Variants in ZNF827 observed in about 807,000 individuals in gnomAD.
ZNF827 encodes the protein zinc finger protein 827.
ZNF827 carries 13 observed loss-of-function variants against 102.4 expected under a neutral mutation model. The observed-to-expected ratio is 0.13, with a 90% confidence interval of 0.08 to 0.20. ZNF827 has a LOEUF of 0.20. Among genes scored for constraint, ZNF827 ranks in the 10% least tolerant of loss-of-function variants. The pLI is 1.00. For synonymous variants in ZNF827, 523 were observed against 536.2 expected, an observed-to-expected ratio of 0.98 and a Z score of 0.34; for missense variants, 1,103 against 1,344.4, an observed-to-expected ratio of 0.82 and a Z score of 2.81.
At chr4:145,770,557 T>C (rs1168238269) in intron 11 of ZNF827, among the ~76,000 whole-genome samples, 1 of 151,474 alleles carries the variant, frequency 6.6e-6, no homozygotes, top group East Asian at 1.9e-4. Flanking sequence ...GTAAGCATTA[T>C]AGAAAATATT....
intron 4 of ZNF827, among the ~76,000 whole-genome samples, chr4:145,883,459 C>A (rs530290662): frequency 1.3e-4 from 20 of 152,302 alleles, no homozygotes; most frequent in African/African-American, 4.8e-4. Flanking sequence ...TTCCCCCCAA[C>A]CTATCAACTG....
In ZNF827 at chr4:145,762,242, C is replaced by A. The variant is rs1195417974; in HGVS notation, c.*18-644G>T. On this transcript the variant is annotated intron_variant, in intron 14 of 14. Transcript: ENST00000508784. This position sits in a 1 kb window ranked among gnomAD's most constrained non-coding sequence, Gnocchi z 4.9. ...TCGTAAAACATATCTCCCTACAGGA[C>A]TAGCTCTTTGTCAGGAAAGGAAGCT... is the stretch of plus-strand genomic sequence containing the variant. Among the ~76,000 whole-genome samples the A allele has an allele frequency of 1.3e-5, 2 of 152,088 alleles. No homozygotes were observed. The highest frequency in any genetic ancestry group is 2.9e-5 in the Non-Finnish European group (2 of 68,018).
intron 4 of ZNF827, among the ~76,000 whole-genome samples, chr4:145,872,168 T>C (rs1306808128): frequency 6.6e-6 from 1 of 152,216 alleles, no homozygotes; most frequent in Non-Finnish European, 1.5e-5. Flanking sequence ...ATGGACTCAA[T>C]TGTGTCCCTT....
Position 145,761,111 on chromosome 4 carries a change from C to T in ZNF827, c.*505G>A, listed in dbSNP as rs1317003077. ...GACAGGAGATTCCGGGAGCTCCCGA[C>T]CACCAGGAGCGGGGCCCCCGGGCCG... is the stretch of plus-strand genomic sequence containing the variant. On this transcript the variant is annotated 3_prime_UTR_variant, in exon 15 of 15. Coordinates refer to ENST00000508784, the MANE Select transcript of ZNF827 (RefSeq NM_001306215.2). This position sits in a 1 kb window ranked among gnomAD's most constrained non-coding sequence, Gnocchi z 6.8. 10 of 1,289,480 alleles carry T rather than the reference C, an allele frequency of 7.8e-6. No homozygotes were observed. The highest frequency in any genetic ancestry group is 1.0e-5 in the Non-Finnish European group (10 of 988,728). The allele number at this position is 1,289,480 out of a possible 1,614,324, so 79.9% of individuals were successfully genotyped here. A position where few individuals can be genotyped will look rare whatever the true frequency, so the allele number is the denominator to read the frequency against.
chr4:145,835,349 C>A (rs868535484), intron 7 of ZNF827: 48 of 152,082 alleles, frequency 3.2e-4, no homozygotes, highest in African/African-American at 1.1e-3. Flanking sequence ...ACATTACCTT[C>A]TTTTCAAGGG....
In ZNF827 at chr4:145,902,202, C is replaced by T. The variant is rs1392892857; in HGVS notation, c.1057G>A (p.Val353Ile). ...GGTTTAGAAACTCTTCCCTTAGGAA[C>T]TGGGAGTAATAATAATTCCAGGGAT... ...PQSLELLLLP[V>I]PKGRVSKPSN... Residue 353 changes from valine to isoleucine, a missense_variant, in exon 2 of 15, where the codon GTT (valine) becomes ATT (isoleucine). By Grantham distance (29) the Val-to-Ile change is conservative (BLOSUM62 3). Transcript: ENST00000508784. This position sits in a 1 kb window ranked among gnomAD's most constrained non-coding sequence, Gnocchi z 4.3. The T allele has an allele frequency of 6.2e-7, 1 of 1,604,250 alleles. No individual in the cohort carries two copies. The highest frequency in any genetic ancestry group is 1.1e-5 in the South Asian group (1 of 89,590).
intron 11 of ZNF827, among the ~76,000 whole-genome samples, chr4:145,772,666 T>G (rs924003084): frequency 6.6e-6 from 1 of 152,210 alleles, no homozygotes; most frequent in Non-Finnish European, 1.5e-5. Context: ...TTTGCCCCTT[T>G]GAAAAAAGCT....
At chr4:145,768,356 G>T (rs1376937205) in intron 11 of ZNF827, among the ~76,000 whole-genome samples, 1 of 152,028 alleles carries the variant, frequency 6.6e-6, no homozygotes, top group African/African-American at 2.4e-5. Context: ...GAAGAGACAG[G>T]GTTTCACCAT....
At chr4:145,900,657 G>C (rs1354286820) in intron 2 of ZNF827, among the ~76,000 whole-genome samples, 1 of 152,040 alleles carries the variant, frequency 6.6e-6, no homozygotes, top group African/African-American at 2.4e-5. Flanking sequence ...TGACCCACCC[G>C]CCTTGGCCCC....
intron 7 of ZNF827, chr4:145,830,399 G>A (rs1170450446): frequency 6.6e-6 from 1 of 151,728 alleles, no homozygotes; most frequent in East Asian, 1.9e-4. Flanking sequence ...AGTACTTTAA[G>A]GTGAGAAGAC....
chr4:145,901,751 G>A (rs759729740), intron 2 of ZNF827, among the ~76,000 whole-genome samples: 7 of 152,190 alleles, frequency 4.6e-5, no homozygotes, highest in Non-Finnish European at 1.0e-4. Context: ...CAGCAGGAGT[G>A]TGGGCTCTCC....
At chr4:145,898,688 G>A (rs190301524) in intron 2 of ZNF827, among the ~76,000 whole-genome samples, 24 of 152,250 alleles carry the variant, frequency 1.6e-4, no homozygotes, top group Admixed American at 1.4e-3. Flanking sequence ...CAAGTGTCAC[G>A]TCTCTCTTGC....
Position 145,902,122 on chromosome 4 carries a change from A to G in ZNF827, c.1093+44T>C. On this transcript the variant is annotated intron_variant, in intron 2 of 14. Transcript: ENST00000508784. The surrounding 1 kb of genome is among the most constrained non-coding windows in gnomAD (Gnocchi z 4.3). ...CAATGAATAAGACATCGCAGTTTATAGTCTAAAGGACTTACACGATGATTG... is the reference window on the plus strand; with the variant it reads ...CAATGAATAAGACATCGCAGTTTATGGTCTAAAGGACTTACACGATGATTG... 1 of 1,529,128 alleles carries G rather than the reference A, an allele frequency of 6.5e-7. No individual in the cohort carries two copies. Among genetic ancestry groups the G allele is most frequent in the South Asian group, 1.3e-5 (1 of 75,694 alleles). The allele number at this position is 1,529,128 out of a possible 1,614,324, so 94.7% of individuals were successfully genotyped here.
chr4:145,803,186 T>A (rs1309302378), intron 8 of ZNF827, among the ~76,000 whole-genome samples: 1 of 152,144 alleles, frequency 6.6e-6, no homozygotes, highest in Non-Finnish European at 1.5e-5. Flanking sequence ...CAGGTAAAAC[T>A]GTATCTGGGT....
At chr4:145,792,901 T>C (rs1365009725) in intron 8 of ZNF827, among the ~76,000 whole-genome samples, 2 of 152,130 alleles carry the variant, frequency 1.3e-5, no homozygotes, top group Non-Finnish European at 2.9e-5. Context: ...CTGCAAAATA[T>C]GGCAGGACTA....
intron 6 of ZNF827, 149 bp from the exon 7 acceptor site, chr4:145,846,162 A>T: frequency 1.4e-6 from 1 of 728,196 alleles, no homozygotes; most frequent in Admixed American, 2.6e-5. Flanking sequence ...GATCCTCCCC[A>T]TCTTACTGGA....
chr4:145,776,349 T>G (rs1294866734), intron 9 of ZNF827, among the ~76,000 whole-genome samples: 1 of 151,892 alleles, frequency 6.6e-6, no homozygotes, highest in Non-Finnish European at 1.5e-5. Context: ...TAGTCCCAGC[T>G]ACTTGGGAGG....
At chr4:145,774,775 T>C (rs1347166357) in intron 10 of ZNF827, 103 bp from the exon 11 acceptor site, 2 of 1,291,482 alleles carry the variant, frequency 1.5e-6, no homozygotes, top group Non-Finnish European at 2.1e-6. Context: ...AAAACTGGAA[T>C]TTGAAACACA....
intron 8 of ZNF827, among the ~76,000 whole-genome samples, chr4:145,795,112 A>G (rs1055340643): frequency 6.6e-6 from 1 of 152,120 alleles, no homozygotes; most frequent in Non-Finnish European, 1.5e-5. Flanking sequence ...GGGTCACGCC[A>G]AGTCAGGGGC....
Sources: allele counts gnomAD v4.1 joint callset (sites outside exome capture counted in the v4.1 genomes callset), GRCh38; gene constraint gnomAD v4.1.1; non-coding constraint Gnocchi (gnomAD v3.1); transcripts MANE v1.5; gene names NCBI Gene and HGNC (gene_info 2026-07-23, HGNC 2026-07-21).